The following ESRRG variants were observed in gnomAD, a reference collection of about 807,000 sequenced individuals.
ESRRG encodes estrogen-related receptor gamma.
In ESRRG, 13 loss-of-function variants were observed where a neutral mutation model predicts 44.0. That is an observed-to-expected ratio of 0.30 (90% CI 0.19 to 0.47). The LOEUF (loss-of-function observed/expected upper bound fraction) is 0.47. Among genes scored for constraint, ESRRG ranks in the 20% least tolerant of loss-of-function variants. ESRRG has a pLI of 1.00. For missense variants in ESRRG, 395 were observed against 580.6 expected (o/e 0.68, Z 3.29); for synonymous variants, 215 against 214.6 (o/e 1.00, Z -0.02).
At position 216,505,167 on chromosome 1, in the gene ESRRG, T is replaced by G. The variant is rs996213700; in HGVS notation, c.*1772A>C. The stretch of plus-strand genomic sequence containing the variant: ...CTGTTCACATAATACAGGGAGCAGC[T>G]ACTAACACTGGTCCATTGGTATAGC... On this transcript the variant is annotated 3_prime_UTR_variant, in exon 7 of 7. Coordinates refer to ENST00000408911, the MANE Select transcript of ESRRG (RefSeq NM_001438.4). The G allele has an allele frequency of 6.6e-6, 1 of 152,666 alleles. No individual in the cohort carries two copies. The highest frequency in any genetic ancestry group is 2.4e-5 in the African/African-American group (1 of 41,466). The allele number at this position is 152,666 out of a possible 1,614,324, so 9.5% of individuals were successfully genotyped here.
At chr1:216,602,710 T>C (rs1197636627) in intron 3 of ESRRG, among the ~76,000 whole-genome samples, 2 of 152,238 alleles carry the variant, frequency 1.3e-5, no homozygotes, top group African/African-American at 4.8e-5. Flanking sequence ...ATGAACTATG[T>C]TTTCAAAATA....
chr1:216,603,041 C>A (rs1486422522), intron 3 of ESRRG, among the ~76,000 whole-genome samples: 1 of 152,076 alleles, frequency 6.6e-6, no homozygotes, highest in African/African-American at 2.4e-5. Flanking sequence ...AAAGCATTAT[C>A]TTTTTACTTG....
chr1:216,841,338 A>T (rs1040630063), intron 2 of ESRRG, among the ~76,000 whole-genome samples: 1 of 152,096 alleles, frequency 6.6e-6, no homozygotes, highest in South Asian at 2.1e-4. Context: ...TAGAGCACAG[A>T]AGCAGACCTG....
intron 3 of ESRRG, among the ~76,000 whole-genome samples, chr1:216,645,971 G>C (rs2067487622): frequency 6.7e-6 from 1 of 149,882 alleles, no homozygotes; most frequent in Non-Finnish European, 1.5e-5. Context: ...TGTGCCACTT[G>C]TCCATTTTCT....
intron 1 of ESRRG, among the ~76,000 whole-genome samples, chr1:217,115,506 C>T (rs1045698941): frequency 6.6e-6 from 1 of 152,124 alleles, no homozygotes; most frequent in African/African-American, 2.4e-5. Context: ...TGCTCATCCC[C>T]TTATTCACAC....
At chr1:216,792,767 A>C (rs567250508) in intron 2 of ESRRG, among the ~76,000 whole-genome samples, 1 of 152,180 alleles carries the variant, frequency 6.6e-6, no homozygotes, top group Non-Finnish European at 1.5e-5. Flanking sequence ...ACTCTGCATG[A>C]AATGTAGTGG....
intron 1 of ESRRG, among the ~76,000 whole-genome samples, chr1:217,026,848 G>A (rs2081244253): frequency 6.7e-6 from 1 of 150,268 alleles, no homozygotes; most frequent in African/African-American, 2.5e-5. Context: ...AATCCTGGCT[G>A]AGAACCCCAC....
At chr1:216,962,766 A>G (rs999101142) in intron 1 of ESRRG, among the ~76,000 whole-genome samples, 1 of 152,182 alleles carries the variant, frequency 6.6e-6, no homozygotes, top group Non-Finnish European at 1.5e-5. Context: ...TCAGGACTAC[A>G]TAACCAATAT....
chr1:217,120,565 G>A (rs1344540045), intron 1 of ESRRG, among the ~76,000 whole-genome samples: 5 of 151,568 alleles, frequency 3.3e-5, no homozygotes, highest in African/African-American at 4.9e-5. Context: ...GACTTATGAC[G>A]TTCTTCAGCG....
chr1:217,049,382 G>T (rs2085484496), intron 1 of ESRRG, among the ~76,000 whole-genome samples: 1 of 152,150 alleles, frequency 6.6e-6, no homozygotes, highest in South Asian at 2.1e-4. Flanking sequence ...ATTGCTATCT[G>T]CAAGAAATCA....
At chr1:216,879,673 A>G (rs2096412554) in intron 2 of ESRRG, among the ~76,000 whole-genome samples, 1 of 152,170 alleles carries the variant, frequency 6.6e-6, no homozygotes, top group Non-Finnish European at 1.5e-5. Context: ...AAGCACTGTT[A>G]TAGAATTTTC....
At chr1:217,040,951 T>G (rs368667928) in intron 1 of ESRRG, among the ~76,000 whole-genome samples, 2 of 152,134 alleles carry the variant, frequency 1.3e-5, no homozygotes, top group African/African-American at 4.8e-5. Context: ...AATTCTGAGT[T>G]TGATTTGCAG....
At chr1:216,811,154 T>G (rs12723353) in intron 2 of ESRRG, among the ~76,000 whole-genome samples, 83,272 of 151,910 alleles carry the variant, frequency 0.55, 23,896 homozygotes, top group Non-Finnish European at 0.64. Context: ...AGATGATGGT[T>G]GCTCTTGAGG....
chr1:217,111,785 T>C (rs1420881396), intron 1 of ESRRG, among the ~76,000 whole-genome samples: 1 of 151,956 alleles, frequency 6.6e-6, no homozygotes, highest in Non-Finnish European at 1.5e-5. Flanking sequence ...CTGTGAAAAA[T>C]TAAAGATGGC....
At chr1:216,880,304 C>CAAAAAAAAAAA (rs11301281) in intron 2 of ESRRG, among the ~76,000 whole-genome samples, 1,111 of 29,122 alleles carry the variant, frequency 0.038, 179 homozygotes, top group Middle Eastern at 0.05. Context: ...GCCTCCCTCT[C>CAAAAAAAAAAA]AAAAAAAAAA....
At chr1:216,723,168 G>A (rs1194927275) in intron 1 of ESRRG, 76 bp downstream of exon 1, 1 of 1,239,222 alleles carries the variant, frequency 8.1e-7, no homozygotes, top group Admixed American at 1.7e-5. Flanking sequence ...GAATCAGTGT[G>A]TAAAGATATA....
intron 1 of ESRRG, among the ~76,000 whole-genome samples, chr1:217,057,937 T>C (rs895423421): frequency 2.2e-4 from 34 of 152,068 alleles, no homozygotes; most frequent in African/African-American, 8.2e-4. Flanking sequence ...CACCACTGAA[T>C]TAAGAGAAAA....
At chr1:216,944,284 A>T (rs2065729884) in intron 1 of ESRRG, among the ~76,000 whole-genome samples, 1 of 152,142 alleles carries the variant, frequency 6.6e-6, no homozygotes, top group African/African-American at 2.4e-5. Flanking sequence ...AAAATAAGAG[A>T]TTTCTTCATT....
chr1:216,647,342 A>G (rs1242669518), intron 3 of ESRRG, among the ~76,000 whole-genome samples: 1 of 152,188 alleles, frequency 6.6e-6, no homozygotes, highest in Non-Finnish European at 1.5e-5. Context: ...AAAGACAAAG[A>G]GGATTTTTTC....
Sources: allele counts gnomAD v4.1 joint callset (sites outside exome capture counted in the v4.1 genomes callset), GRCh38; gene constraint gnomAD v4.1.1; transcripts MANE v1.5; gene names NCBI Gene and HGNC (gene_info 2026-07-23, HGNC 2026-07-21).